The following SNX29 variants were observed in gnomAD, a reference collection of about 807,000 sequenced individuals.
SNX29 encodes the protein sorting nexin-29.
In SNX29, 78 loss-of-function variants were observed where a neutral mutation model predicts 102.1. That is an observed-to-expected ratio of 0.76 (90% CI 0.64 to 0.92). The LOEUF (loss-of-function observed/expected upper bound fraction) is 0.92. Ranked by LOEUF, SNX29 falls within the 40% of genes least tolerant of loss-of-function variation. SNX29 has a pLI of 0.00. For missense variants in SNX29, 1,280 were observed against 1,061.7 expected, an observed-to-expected ratio of 1.21 and a Z score of -2.86; for synonymous variants, 580 against 414.5, an observed-to-expected ratio of 1.40 and a Z score of -4.85.
chr16:12,343,853 A>T (rs965335141), intron 15 of SNX29, among the ~76,000 whole-genome samples: 4 of 152,236 alleles, frequency 2.6e-5, no homozygotes, highest in African/African-American at 9.6e-5. Flanking sequence ...TAAATGAATT[A>T]GTGCTTCCAG....
chr16:12,168,210 T>C (rs2076061893), intron 13 of SNX29, among the ~76,000 whole-genome samples: 1 of 152,194 alleles, frequency 6.6e-6, no homozygotes, highest in African/African-American at 2.4e-5. Context: ...TGCATGTCTA[T>C]GCTGGAGGGC....
At position 12,068,189 on chromosome 16, in the gene SNX29, G is replaced by A. The variant is rs1054664282; in HGVS notation, c.1244-868G>A. On this transcript the variant is annotated intron_variant, in intron 9 of 20. Coordinates refer to ENST00000566228, the MANE Select transcript of SNX29 (RefSeq NM_032167.5). ...TTCCAGGTGGCTCAAGGTCGAAAAT[G>A]TCACAGGCCAGGCACAGTTGCTCAC... Among the ~76,000 whole-genome samples, 7 of 152,144 alleles carry A rather than the reference G, an allele frequency of 4.6e-5. No homozygotes were observed. In the East Asian group the frequency reaches 1.2e-3, roughly 25 times the overall value.
chr16:12,537,580 T>G (rs938598978), intron 20 of SNX29, among the ~76,000 whole-genome samples: 1 of 152,234 alleles, frequency 6.6e-6, no homozygotes, highest in Non-Finnish European at 1.5e-5. Flanking sequence ...GACTTTGTTT[T>G]TACTTCTTTG....
intron 15 of SNX29, among the ~76,000 whole-genome samples, chr16:12,309,144 A>G (rs1235788329): frequency 6.6e-6 from 1 of 152,170 alleles, no homozygotes; most frequent in Non-Finnish European, 1.5e-5. Flanking sequence ...TGATTTCTAT[A>G]TACAGCAAGA....
At chr16:12,109,407 G>A (rs927838331) in intron 11 of SNX29, among the ~76,000 whole-genome samples, 1 of 152,104 alleles carries the variant, frequency 6.6e-6, no homozygotes, top group Non-Finnish European at 1.5e-5. Context: ...ATGAGTGCAT[G>A]AATGGTTCAA....
At chr16:12,009,212 C>G (rs2056562087) in intron 3 of SNX29, among the ~76,000 whole-genome samples, 1 of 151,920 alleles carries the variant, frequency 6.6e-6, no homozygotes, top group Non-Finnish European at 1.5e-5. Flanking sequence ...AGTACATATC[C>G]TTACACCGAA....
chr16:12,393,345 G>A (rs1237626313), intron 16 of SNX29, among the ~76,000 whole-genome samples: 3 of 143,030 alleles, frequency 2.1e-5, no homozygotes, highest in African/African-American at 7.8e-5. Flanking sequence ...CTAAAAATCT[G>A]TTGGCATTTC....
At chr16:12,544,090 A>T (rs1028756251) in intron 20 of SNX29, among the ~76,000 whole-genome samples, 5 of 152,220 alleles carry the variant, frequency 3.3e-5, no homozygotes, top group Admixed American at 6.5e-5. Flanking sequence ...CTTTCTGCAG[A>T]CTTGGTTGTG....
intron 13 of SNX29, among the ~76,000 whole-genome samples, chr16:12,177,806 G>A (rs1208987157): frequency 2.0e-5 from 3 of 152,194 alleles, no homozygotes; most frequent in African/African-American, 7.2e-5. Context: ...CCAAATGCCT[G>A]CTGTGGGCGG....
intron 16 of SNX29, among the ~76,000 whole-genome samples, chr16:12,382,730 T>C (rs879873569): frequency 2.6e-5 from 4 of 152,152 alleles, no homozygotes; most frequent in Non-Finnish European, 4.4e-5. Flanking sequence ...CCCTGGAGGC[T>C]CTAGGGGAAG....
At chr16:12,066,260 C>G (rs1344985959) in intron 9 of SNX29, among the ~76,000 whole-genome samples, 1 of 152,138 alleles carries the variant, frequency 6.6e-6, no homozygotes, top group Non-Finnish European at 1.5e-5. Flanking sequence ...TGTAGAAGGC[C>G]TCTTAGATGG....
intron 8 of SNX29, among the ~76,000 whole-genome samples, chr16:12,057,977 C>T (rs2050589526): frequency 6.6e-6 from 1 of 151,860 alleles, no homozygotes. Flanking sequence ...ACCACCACTC[C>T]CGGTTAATTT....
chr16:12,057,607 A>G (rs2050572212), intron 8 of SNX29, among the ~76,000 whole-genome samples: 1 of 152,108 alleles, frequency 6.6e-6, no homozygotes, highest in Non-Finnish European at 1.5e-5. Context: ...CTAGATACCA[A>G]AGTTCTTATT....
intron 19 of SNX29, among the ~76,000 whole-genome samples, chr16:12,514,236 C>G (rs1350907004): frequency 1.3e-5 from 2 of 152,190 alleles, no homozygotes; most frequent in African/African-American, 4.8e-5. Flanking sequence ...ATAGCTGATT[C>G]TCACTCTCTG....
chr16:12,565,740 T>TC (rs1034207488), intron 20 of SNX29, among the ~76,000 whole-genome samples: 2 of 151,970 alleles, frequency 1.3e-5, no homozygotes, highest in African/African-American at 2.4e-5. Context: ...GTCCACCCCC[T>TC]CCCCATGGGC....
rs202011912 is a variant in SNX29, at chr16:12,364,156, CTTG to C, written c.1899+7880_1899+7882del. The stretch of plus-strand genomic sequence containing the variant: ...TACAGGTGTGCGCCACCAAGCCTGG[CTTG>C]TTTGTTATGTTATGTTATGTTATGT... On this transcript the variant is annotated intron_variant, in intron 16 of 20. Coordinates refer to ENST00000566228, the MANE Select transcript of SNX29 (RefSeq NM_032167.5). Among the ~76,000 whole-genome samples the C allele has an allele frequency of 5.9e-4, 61 of 102,764 alleles. 1 individual carries two copies. The highest frequency in any genetic ancestry group is 2.4e-3 in the African/African-American group (58 of 24,434). 67.4% of individuals were successfully genotyped at this position (102,764 alleles called of 152,430 possible).
chr16:12,510,562 AC>A (rs1488761199), intron 19 of SNX29, among the ~76,000 whole-genome samples: 1 of 152,094 alleles, frequency 6.6e-6, no homozygotes, highest in African/African-American at 2.4e-5. Flanking sequence ...AGTCCCAGCT[AC>A]TTGGGAGGTT....
chr16:12,554,260 T>TA (rs1440841110), intron 20 of SNX29, among the ~76,000 whole-genome samples: 1 of 152,260 alleles, frequency 6.6e-6, no homozygotes, highest in African/African-American at 2.4e-5. Context: ...TCTCTGCCTT[T>TA]TGGTGCATCT....
rs147234750 is a variant in SNX29, at chr16:12,229,107, C to T, written c.1678+29424C>T. Among the ~76,000 whole-genome samples the T allele has an allele frequency of 5.2e-5, 8 of 152,384 alleles. No homozygotes were observed. The East Asian group carries it at 1.5e-3, about 29-fold the overall frequency. On this transcript the variant is annotated intron_variant, in intron 14 of 20. Transcript: ENST00000566228. ...CTGCCAGGATGTACCTTGCCCCCTT[C>T]AGCATTCCAGCTATGTTTTATGGAG...
Sources: gnomAD v4.1 joint callset for allele counts (sites outside exome capture counted in the v4.1 genomes callset) on GRCh38, gnomAD v4.1.1 for gene constraint, MANE v1.5 for transcripts, NCBI Gene and HGNC (gene_info 2026-07-23, HGNC 2026-07-21) for gene names.